The following DLC1 variants were observed in gnomAD, a reference collection of about 807,000 sequenced individuals.
The protein encoded by DLC1 is DLC1 Rho GTPase activating protein, also known as rho GTPase-activating protein 7.
DLC1 carries 54 observed loss-of-function variants against 140.3 expected under a neutral mutation model. The observed-to-expected ratio is 0.38, with a 90% CI of 0.31 to 0.48. DLC1 has a LOEUF of 0.48. DLC1 is among the 20% of genes least tolerant of loss of function. The pLI, the probability that DLC1 is intolerant of heterozygous loss-of-function variation, is 0.96. For synonymous variants in DLC1, 986 were observed against 728.1 expected (o/e 1.35, Z -5.70); for missense variants, 2,536 against 1,907.0 (o/e 1.33, Z -6.14).
At chr8:13,117,482 A>T (rs1047607097) in intron 5 of DLC1, among the ~76,000 whole-genome samples, 2 of 147,770 alleles carry the variant, frequency 1.4e-5, no homozygotes, top group African/African-American at 5.0e-5. Context: ...TGTAACCGCT[A>T]AAAAAAAAAG....
chr8:13,570,593 A>G (rs1436659603), intron 1 of DLC1, among the ~76,000 whole-genome samples: 1 of 148,350 alleles, frequency 6.7e-6, no homozygotes, highest in Non-Finnish European at 1.5e-5. Context: ...ATGGTTTCCA[A>G]TTTCACCCAT....
rs1376020165 is a variant in DLC1 at position 13,418,626 on chromosome 8, A to G, written c.1024-17007T>C. 9.9e-5 allele frequency among the ~76,000 whole-genome samples: 15 copies of G among 152,196 alleles called. No individual in the cohort carries two copies. In the East Asian group the frequency reaches 2.1e-3, roughly 22 times the overall value. ...TGTTTTGGTTACTGTAGGCTTGTAT[A>G]TAGTTTGAAGTCAGGTAGTGTGATG... On this transcript the variant is annotated intron_variant, in intron 2 of 17. Transcript: ENST00000276297.
chr8:13,133,069 C>A (rs1186473900), intron 5 of DLC1: 2 of 1,549,100 alleles, frequency 1.3e-6, no homozygotes, highest in South Asian at 2.4e-5. Context: ...CACGGCGGCA[C>A]CCGAGACGCG....
intron 5 of DLC1, among the ~76,000 whole-genome samples, chr8:13,269,162 C>T (rs549947345): frequency 1.3e-5 from 2 of 152,176 alleles, no homozygotes; most frequent in East Asian, 1.9e-4. Flanking sequence ...TGTGAGCCAC[C>T]GCTCCCGGCC....
intron 5 of DLC1, among the ~76,000 whole-genome samples, chr8:13,213,247 G>A (rs752870858): frequency 2.6e-5 from 4 of 152,142 alleles, no homozygotes; most frequent in South Asian, 2.1e-4. Context: ...CTACACAGAC[G>A]TGTACATATA....
At chr8:13,565,230 A>G (rs1804384717) in intron 1 of DLC1, among the ~76,000 whole-genome samples, 1 of 152,200 alleles carries the variant, frequency 6.6e-6, no homozygotes, top group African/African-American at 2.4e-5. Flanking sequence ...TTAAAAATCA[A>G]GAGAAATTTA....
At chr8:13,374,032 T>C (rs558153654) in intron 4 of DLC1, among the ~76,000 whole-genome samples, 1 of 152,300 alleles carries the variant, frequency 6.6e-6, no homozygotes, top group Non-Finnish European at 1.5e-5. Flanking sequence ...AAAGTGTGAA[T>C]GAAGGACAAA....
intron 6 of DLC1, 152 bp from the exon 7 acceptor site, chr8:13,110,975 T>C (rs1563619711): frequency 8.9e-6 from 6 of 673,044 alleles, no homozygotes; most frequent in Non-Finnish European, 1.5e-5. Context: ...TATGGGACTA[T>C]AAGGCAATTG....
At chr8:13,193,291 C>G (rs1432981251) in intron 5 of DLC1, among the ~76,000 whole-genome samples, 1 of 152,128 alleles carries the variant, frequency 6.6e-6, no homozygotes, top group Non-Finnish European at 1.5e-5. Flanking sequence ...TGAAGCCTAT[C>G]AGGGACAACA....
At chr8:13,518,199 C>T (rs1240177978), upstream of DLC1, among the ~76,000 whole-genome samples, 1 of 151,078 alleles carries the variant, frequency 6.6e-6, no homozygotes, top group Non-Finnish European at 1.5e-5. Flanking sequence ...ACCTCCGCCT[C>T]CTAGGTTCAA....
intron 2 of DLC1, among the ~76,000 whole-genome samples, chr8:13,403,807 G>GTTTTTTTTTTTTTTTT (rs369715973): frequency 1.8e-4 from 16 of 87,274 alleles, no homozygotes; most frequent in Non-Finnish European, 2.7e-4. Flanking sequence ...AGGTCTGGCT[G>GTTTTTTTTTTTTTTTT]TTTTTTTTTT....
intron 5 of DLC1, among the ~76,000 whole-genome samples, chr8:13,219,078 A>T (rs1828393323): frequency 8.0e-6 from 1 of 124,294 alleles, no homozygotes; most frequent in Non-Finnish European, 1.6e-5. Context: ...ATATAATTAT[A>T]TAATTATATG....
At chr8:13,198,947 C>A (rs556171885) in intron 5 of DLC1, among the ~76,000 whole-genome samples, 11 of 152,098 alleles carry the variant, frequency 7.2e-5, no homozygotes, top group Admixed American at 6.5e-4. Context: ...AAACTCCTGA[C>A]CTCAGGTGGT....
At chr8:13,428,424 C>G (rs1382432093) in intron 2 of DLC1, among the ~76,000 whole-genome samples, 1 of 152,050 alleles carries the variant, frequency 6.6e-6, no homozygotes, top group Non-Finnish European at 1.5e-5. Context: ...CGATTTTTAA[C>G]TTTTATAAGT....
At position 13,580,513 on chromosome 8, in the gene DLC1, G is replaced by C. The variant is rs576855928; in HGVS notation, c.-126+24024C>G. ...GGGGCACAGACAGTTAGCAGGCAAA[G>C]CAAGAGCCCTCAGTGGTGGGGGTCA... On this transcript the variant is annotated intron_variant, in intron 1 of 1. Transcript: ENST00000631382. 4.6e-5 allele frequency among the ~76,000 whole-genome samples: 7 copies of C among 152,264 alleles called. No homozygotes were observed. The East Asian group carries it at 1.4e-3, about 30-fold the overall frequency.
chr8:13,170,041 A>T (rs1343416162), intron 5 of DLC1, among the ~76,000 whole-genome samples: 1 of 152,120 alleles, frequency 6.6e-6, no homozygotes, highest in Admixed American at 6.5e-5. Context: ...AAATAAAAAA[A>T]ATTAGAGGAA....
intron 2 of DLC1, among the ~76,000 whole-genome samples, chr8:13,462,061 T>G (rs1799689302): frequency 6.6e-6 from 1 of 152,154 alleles, no homozygotes; most frequent in Non-Finnish European, 1.5e-5. Flanking sequence ...GATGGGCACA[T>G]TATAGGAATA....
chr8:13,548,139 T>G (rs907735423), intron 1 of DLC1, among the ~76,000 whole-genome samples: 2 of 152,034 alleles, frequency 1.3e-5, no homozygotes, highest in Admixed American at 1.3e-4. Context: ...TAGTAAGAAT[T>G]TAGTATGTTT....
At chr8:13,409,463 A>G (rs1232714923) in intron 2 of DLC1, among the ~76,000 whole-genome samples, 1 of 152,200 alleles carries the variant, frequency 6.6e-6, no homozygotes, top group Admixed American at 6.5e-5. Flanking sequence ...TTATATTTGA[A>G]TTTCAGATAA....
Sources: allele counts gnomAD v4.1 joint callset (sites outside exome capture counted in the v4.1 genomes callset), GRCh38; gene constraint gnomAD v4.1.1; transcripts MANE v1.5; gene names NCBI Gene and HGNC (gene_info 2026-07-23, HGNC 2026-07-21).